The following KCNN2 variants were observed in gnomAD, a reference collection of about 807,000 sequenced individuals.
KCNN2 encodes the protein small conductance calcium-activated potassium channel protein 2.
A neutral mutation model predicts 55.5 loss-of-function variants in KCNN2; 24 were observed. The observed-to-expected ratio is 0.43, with a 90% CI of 0.31 to 0.61. The LOEUF (loss-of-function observed/expected upper bound fraction) is 0.61, where lower values mean the gene tolerates loss of function less well. KCNN2 is among the 20% of genes least tolerant of loss of function. The pLI is 0.08. For synonymous variants in KCNN2, 431 were observed against 336.1 expected (o/e 1.28, Z -3.09); for missense variants, 754 against 853.6 (o/e 0.88, Z 1.45).
intron 1 of KCNN2, among the ~76,000 whole-genome samples, chr5:114,090,072 AT>A (rs1477542886): frequency 6.6e-6 from 1 of 152,192 alleles, no homozygotes; most frequent in African/African-American, 2.4e-5. Flanking sequence ...ATAAGAAAAT[AT>A]GAATTTCAGT....
intron 3 of KCNN2, among the ~76,000 whole-genome samples, chr5:114,424,607 A>G (rs577282825): frequency 5.8e-4 from 88 of 152,340 alleles, no homozygotes; most frequent in Non-Finnish European, 1.0e-3. Context: ...GCAGCATTGT[A>G]AAGGGCAGTT....
intron 2 of KCNN2, among the ~76,000 whole-genome samples, chr5:114,315,265 T>C (rs749494720): frequency 6.6e-6 from 1 of 152,172 alleles, no homozygotes; most frequent in Non-Finnish European, 1.5e-5. Flanking sequence ...TCTCACCAGT[T>C]ACAGGTACTT....
intron 1 of KCNN2, among the ~76,000 whole-genome samples, chr5:114,214,179 T>G (rs1753952558): frequency 1.3e-5 from 2 of 151,966 alleles, no homozygotes; most frequent in South Asian, 4.1e-4. Flanking sequence ...CATATGCCAT[T>G]AGTAAATAGC....
At chr5:114,394,301 G>A (rs992595892) in intron 2 of KCNN2, among the ~76,000 whole-genome samples, 22 of 151,986 alleles carry the variant, frequency 1.4e-4, no homozygotes, top group African/African-American at 5.3e-4. Flanking sequence ...CATGACCTAA[G>A]GCTTGTATCC....
At chr5:114,160,265 C>T (rs1752740931) in intron 1 of KCNN2, among the ~76,000 whole-genome samples, 1 of 152,054 alleles carries the variant, frequency 6.6e-6, no homozygotes, top group Non-Finnish European at 1.5e-5. Flanking sequence ...TTATGTACGC[C>T]ATAGTCGTTC....
chr5:114,161,249 CT>C, intron 1 of KCNN2, among the ~76,000 whole-genome samples: 1 of 152,216 alleles, frequency 6.6e-6, no homozygotes, highest in African/African-American at 2.4e-5. Context: ...TTTATTTCTG[CT>C]TCACTTATGA....
chr5:114,423,556 GC>G lies in KCNN2; in HGVS notation c.1637+18701del, dbSNP rs1390939076. On this transcript the variant is annotated intron_variant, in intron 3 of 7. Transcript: ENST00000673685. ...AAAAACCCTGCAAACAGGTCCAGGG[GC>G]AGCAATGAAAAGAGATATAAAATTT... Among the ~76,000 whole-genome samples, 26 of 152,178 alleles carry G rather than the reference GC, an allele frequency of 1.7e-4. No individual in the cohort carries two copies. In the East Asian group the frequency reaches 4.8e-3, roughly 28 times the overall value.
At chr5:114,270,425 T>G (rs1450174390) in intron 2 of KCNN2, among the ~76,000 whole-genome samples, 1 of 152,120 alleles carries the variant, frequency 6.6e-6, no homozygotes, top group Non-Finnish European at 1.5e-5. Flanking sequence ...CCACTAATAC[T>G]GAAGATTGTG....
At chr5:114,251,830 A>G (rs1055128345) in intron 2 of KCNN2, among the ~76,000 whole-genome samples, 3 of 150,172 alleles carry the variant, frequency 2.0e-5, no homozygotes, top group African/African-American at 7.3e-5. Flanking sequence ...ATATTGTAAT[A>G]TAGTTTGTTT....
chr5:114,152,829 G>T (rs1027978328), intron 1 of KCNN2, among the ~76,000 whole-genome samples: 1 of 152,100 alleles, frequency 6.6e-6, no homozygotes, highest in African/African-American at 2.4e-5. Flanking sequence ...GCATATGGTG[G>T]GCGGGAGCAT....
chr5:114,074,302 G>GTA (rs1320051631), intron 1 of KCNN2, among the ~76,000 whole-genome samples: 1 of 139,574 alleles, frequency 7.2e-6, no homozygotes, highest in Non-Finnish European at 1.5e-5. Context: ...GCGTGTGTGT[G>GTA]TGTGTGTGTG....
intron 1 of KCNN2, among the ~76,000 whole-genome samples, chr5:114,128,400 G>A (rs1179691039): frequency 3.9e-5 from 6 of 152,078 alleles, no homozygotes; most frequent in Non-Finnish European, 1.5e-5. Flanking sequence ...GATTTCATGG[G>A]AACTAACTCA....
chr5:114,486,986 C>T (rs539111063), intron 5 of KCNN2, 64 bp from the exon 6 acceptor site: 1 of 1,582,138 alleles, frequency 6.3e-7, no homozygotes. Flanking sequence ...ACTATGACCC[C>T]CAGCAAAGTT....
intron 1 of KCNN2, among the ~76,000 whole-genome samples, chr5:114,191,209 G>T (rs1753442165): frequency 6.6e-6 from 1 of 152,106 alleles, no homozygotes; most frequent in Admixed American, 6.5e-5. Context: ...AGCTTTTGAA[G>T]ATCAAAAGTG....
At chr5:114,478,355 G>GAATGAAAAAGA in intron 5 of KCNN2, among the ~76,000 whole-genome samples, 1 of 152,154 alleles carries the variant, frequency 6.6e-6, no homozygotes, top group African/African-American at 2.4e-5. Flanking sequence ...TGAAAAGAAT[G>GAATGAAAAAGA]AATGAAAAAG....
At chr5:114,172,147 G>C (rs1024585537) in intron 1 of KCNN2, among the ~76,000 whole-genome samples, 4 of 151,812 alleles carry the variant, frequency 2.6e-5, no homozygotes, top group Non-Finnish European at 4.4e-5. Context: ...TCTCAATTTC[G>C]TACAACCCTC....
intron 5 of KCNN2, among the ~76,000 whole-genome samples, chr5:114,480,034 A>T (rs1271482377): frequency 6.6e-6 from 1 of 152,128 alleles, no homozygotes; most frequent in Non-Finnish European, 1.5e-5. Context: ...ACTGAAGAAG[A>T]CAGAGACACA....
At chr5:114,404,389 T>G in intron 2 of KCNN2, 49 bp from the exon 3 acceptor site, 1 of 1,478,840 alleles carries the variant, frequency 6.8e-7, no homozygotes, top group Non-Finnish European at 9.3e-7. Context: ...CTAACACTTG[T>G]GGACCATTCA....
At chr5:114,275,764 C>G (rs1445246152) in intron 2 of KCNN2, among the ~76,000 whole-genome samples, 1 of 151,900 alleles carries the variant, frequency 6.6e-6, no homozygotes, top group South Asian at 2.1e-4. Context: ...TTTTGTTGAT[C>G]TTTTCAAAAA....
Sources: allele counts gnomAD v4.1 joint callset (sites outside exome capture counted in the v4.1 genomes callset), GRCh38; gene constraint gnomAD v4.1.1; transcripts MANE v1.5; gene names NCBI Gene and HGNC (gene_info 2026-07-23, HGNC 2026-07-21).